PWP1: variants seen among roughly 807,000 people sequenced by gnomAD.
The protein encoded by PWP1 is periodic tryptophan protein 1 homolog.
In PWP1, 47 loss-of-function variants were observed where a neutral mutation model predicts 69.9. The observed-to-expected ratio is 0.67, with a 90% confidence interval of 0.53 to 0.86. The LOEUF (loss-of-function observed/expected upper bound fraction) is 0.86, where lower values mean the gene tolerates loss of function less well. Ranked by LOEUF, PWP1 falls within the 40% of genes least tolerant of loss-of-function variation. The pLI is 0.00. For synonymous variants in PWP1, 222 were observed against 208.2 expected, an observed-to-expected ratio of 1.07 and a Z score of -0.57; for missense variants, 551 against 608.8, an observed-to-expected ratio of 0.91 and a Z score of 1.00.
chr12:107,708,977 C>T lies in PWP1; in HGVS notation c.1129C>T (p.Pro377Ser), dbSNP rs773568190. Residue 377 changes from proline to serine, a missense_variant, in exon 12 of 15, where the codon CCA becomes TCA. Transcript: ENST00000412830. ...TAATTTGGATGCACGTTCAGATAAG[C>T]CAATTTTTACACTTAATGCACACAA... Reference protein sequence around the residue: ...VYNLDARSDKPIFTLNAHNDE... With the variant: ...VYNLDARSDKSIFTLNAHNDE... 6 of 1,613,844 alleles carry T rather than the reference C, an allele frequency of 3.7e-6. 1 individual carries two copies. In the Admixed American group the frequency reaches 5.0e-5, roughly 13 times the overall value.
At position 107,685,804 on chromosome 12, in the gene PWP1, C is replaced by T; in HGVS notation, c.-96C>T. ...CGCATGCGCTCTGCCCTGGCAGCGG[C>T]CCTGTGCAGATCCCTGAGCGTGTGG... On this transcript the variant is annotated 5_prime_UTR_variant, in exon 1 of 15. Coordinates refer to ENST00000412830, the MANE Select transcript of PWP1 (RefSeq NM_007062.3). 2.2e-6 allele frequency: 3 copies of T among 1,360,234 alleles called. No homozygotes were observed. The highest frequency in any genetic ancestry group is 1.8e-4 in the Middle Eastern group (1 of 5,514). The allele number at this position is 1,360,234 out of a possible 1,614,324, so 84.3% of individuals were successfully genotyped here.
intron 13 of PWP1, among the ~76,000 whole-genome samples, chr12:107,710,184 T>C (rs1018806757): frequency 2.0e-5 from 3 of 152,144 alleles, no homozygotes; most frequent in African/African-American, 7.2e-5. Context: ...GCAGATATCA[T>C]TGTGGAAGAA....
At chr12:107,688,132 C>T (rs368140510) in intron 1 of PWP1, among the ~76,000 whole-genome samples, 1 of 147,266 alleles carries the variant, frequency 6.8e-6, no homozygotes, top group Non-Finnish European at 1.5e-5. Flanking sequence ...GTGCCCTAGA[C>T]AGAGTCAGAG....
chr12:107,710,347 C>A, intron 13 of PWP1, 58 bp from the exon 14 acceptor site: 1 of 1,595,084 alleles, frequency 6.3e-7, no homozygotes, highest in Non-Finnish European at 8.5e-7. Flanking sequence ...CAGTGAGGAT[C>A]TAGATATTAG....
intron 8 of PWP1, among the ~76,000 whole-genome samples, chr12:107,700,030 A>G (rs953480718): frequency 1.4e-4 from 21 of 151,922 alleles, no homozygotes; most frequent in African/African-American, 4.6e-4. Flanking sequence ...GTGCAGAGGA[A>G]CTCTCCTTTA....
intron 1 of PWP1, among the ~76,000 whole-genome samples, chr12:107,686,910 G>A (rs1889377543): frequency 2.1e-5 from 3 of 142,916 alleles, no homozygotes; most frequent in African/African-American, 7.8e-5. Context: ...AGCTTGCAGT[G>A]AGCCGAGATC....
chr12:107,688,944 ATG>A, intron 3 of PWP1, 142 bp downstream of exon 3: 2 of 838,928 alleles, frequency 2.4e-6, no homozygotes, highest in Non-Finnish European at 3.7e-6. Flanking sequence ...GGCAGACAGC[ATG>A]ATTCCTAAAC....
In PWP1 at chr12:107,712,175, T is replaced by G; in HGVS notation, c.1461T>G (p.Ser487Arg). Reference protein sequence around the residue: ...VLGSARNSSISGPFGSRSSDT... With the variant: ...VLGSARNSSIRGPFGSRSSDT... ...GGAGTGCAAGAAATTCATCTATTAG[T>G]GGCCCTTTTGGCAGCAGGAGCTCAG... is the stretch of plus-strand genomic sequence containing the variant. Residue 487 changes from serine (S) to arginine (R), a missense_variant, in exon 15 of 15, where the codon AGT becomes AGG. Coordinates refer to ENST00000412830, the MANE Select transcript of PWP1 (RefSeq NM_007062.3). 6.2e-7 allele frequency: 1 copy of G among 1,614,076 alleles called. No individual in the cohort carries two copies. The highest frequency in any genetic ancestry group is 8.5e-7 in the Non-Finnish European group (1 of 1,179,938).
At chr12:107,699,583 G>A in intron 8 of PWP1, 149 bp downstream of exon 8, 2 of 646,688 alleles carry the variant, frequency 3.1e-6, no homozygotes, top group South Asian at 4.3e-5. Context: ...CAGGAGCTCT[G>A]TCATCTGTTT....
intron 8 of PWP1, among the ~76,000 whole-genome samples, chr12:107,700,822 T>C (rs1889693902): frequency 6.6e-6 from 1 of 152,218 alleles, no homozygotes; most frequent in African/African-American, 2.4e-5. Context: ...CTCCAAAATT[T>C]GTTATTTTCT....
At chr12:107,704,804 T>C (rs1254658693) in intron 11 of PWP1, 57 bp downstream of exon 11, 2 of 1,387,458 alleles carry the variant, frequency 1.4e-6, no homozygotes, top group African/African-American at 2.9e-5. Context: ...CTTTTTAAAT[T>C]CCATAGTAGA....
At chr12:107,704,562 T>TA in intron 10 of PWP1, 74 bp from the exon 11 acceptor site, 1 of 991,836 alleles carries the variant, frequency 1.0e-6, no homozygotes, top group African/African-American at 1.6e-5. Context: ...GCTATTTTAT[T>TA]ACTATTTCAT....
chr12:107,702,807 A>G (rs1016206618), intron 8 of PWP1, 128 bp from the exon 9 acceptor site: 12 of 656,040 alleles, frequency 1.8e-5, no homozygotes, highest in Non-Finnish European at 2.7e-5. Context: ...TAAGTCTTAC[A>G]TTTCTTTTGT....
intron 8 of PWP1, among the ~76,000 whole-genome samples, chr12:107,700,355 A>C (rs1593145968): frequency 6.7e-6 from 1 of 150,030 alleles, no homozygotes; most frequent in African/African-American, 2.5e-5. Flanking sequence ...CATTTCCCCC[A>C]CCCCCAGCCC....
chr12:107,703,794 G>C lies in PWP1; in HGVS notation c.965+48G>C, dbSNP rs1204930214. On this transcript the variant is annotated intron_variant, in intron 10 of 14. Transcript: ENST00000412830. ...ATTGCTACTCTGTTTTTATCCTCTA[G>C]AAGTCATTTTAAGAGTATCACTTGG... 9 of 1,522,142 alleles carry C rather than the reference G, an allele frequency of 5.9e-6. No homozygotes were observed. The African/African-American group carries it at 8.3e-5, about 14-fold the overall frequency. The allele number at this position is 1,522,142 out of a possible 1,614,324, so 94.3% of individuals were successfully genotyped here.
chr12:107,708,812 T>G (rs963665962), intron 11 of PWP1, 114 bp from the exon 12 acceptor site: 1 of 957,412 alleles, frequency 1.0e-6, no homozygotes, highest in Non-Finnish European at 1.6e-6. Flanking sequence ...ATGTTAATTT[T>G]TCATAAGTTC....
intron 8 of PWP1, among the ~76,000 whole-genome samples, chr12:107,700,417 T>C (rs901527372): frequency 2.0e-5 from 3 of 152,188 alleles, no homozygotes; most frequent in Admixed American, 6.5e-5. Flanking sequence ...AAGCATCTCA[T>C]ATGAATGGAA....
Position 107,699,387 on chromosome 12 carries a change from A to C in PWP1, c.759A>C (p.Glu253Asp), listed in dbSNP as rs1418775264. 1 of 1,612,894 alleles carries C rather than the reference A, an allele frequency of 6.2e-7. No individual in the cohort carries two copies. The highest frequency in any genetic ancestry group is 8.5e-7 in the Non-Finnish European group (1 of 1,179,138). ...AATTATTACAGAGTTCCTCAGCAGA[A>C]GGGCATACCGATGCTGTCCTTGACC... ...KKKGKKSSSA[E>D]GHTDAVLDLS... Residue 253 changes from glutamate to aspartate, a missense_variant, in exon 8 of 15, where the codon GAA (glutamate) becomes GAC (aspartate). Coordinates refer to ENST00000412830, the MANE Select transcript of PWP1 (RefSeq NM_007062.3).
At chr12:107,701,762 C>T (rs1224493441) in intron 8 of PWP1, among the ~76,000 whole-genome samples, 1 of 152,168 alleles carries the variant, frequency 6.6e-6, no homozygotes. Context: ...ACTGCACCCC[C>T]CACCTCTGGG....
Sources: allele counts gnomAD v4.1 joint callset (sites outside exome capture counted in the v4.1 genomes callset), GRCh38; gene constraint gnomAD v4.1.1; transcripts MANE v1.5; gene names NCBI Gene and HGNC (gene_info 2026-07-23, HGNC 2026-07-21).